MBTPS1: variants seen among roughly 807,000 people sequenced by gnomAD.
MBTPS1 encodes membrane-bound transcription factor site-1 protease.
MBTPS1 carries 94 observed loss-of-function variants against 127.8 expected under a neutral mutation model. The ratio of observed to expected loss-of-function variants is 0.74; its 90% confidence interval spans 0.62 to 0.87. The LOEUF (loss-of-function observed/expected upper bound fraction) is 0.87. Ranked by LOEUF, MBTPS1 falls within the 40% of genes least tolerant of loss-of-function variation. MBTPS1 has a pLI of 0.00. For synonymous variants in MBTPS1, 632 were observed against 509.4 expected (o/e 1.24, Z -3.24); for missense variants, 1,636 against 1,353.2 (o/e 1.21, Z -3.28).
chr16:84,090,999 C>CAAAAA, intron 7 of MBTPS1, 57 bp from the exon 8 acceptor site: 2 of 767,830 alleles, frequency 2.6e-6, no homozygotes, highest in Non-Finnish European at 4.0e-6. Flanking sequence ...ATATAACTGT[C>CAAAAA]AAAAAAAAAA....
chr16:84,068,212 C>A, intron 15 of MBTPS1, 127 bp downstream of exon 15: 1 of 699,748 alleles, frequency 1.4e-6, no homozygotes, highest in Admixed American at 2.3e-5. Context: ...GCTCACCCAG[C>A]TGTGGGGCCC....
At chr16:84,054,698 C>T (rs1469219958) in intron 22 of MBTPS1, 53 bp from the exon 23 acceptor site, 8 of 1,392,850 alleles carry the variant, frequency 5.7e-6, no homozygotes, top group Non-Finnish European at 7.7e-6. Flanking sequence ...GCTACCATGA[C>T]GGCCTTTTTC....
Position 84,070,705 on chromosome 16 carries a change from T to C in MBTPS1, c.1665A>G (p.Leu555=). Residue 555 remains leucine (L), a synonymous_variant, in exon 13 of 23, where the codon TTA becomes TTG. Coordinates refer to ENST00000343411, the MANE Select transcript of MBTPS1 (RefSeq NM_003791.4). ...IEVAFSYSSV[L]WPWSGYLAIS... is the part of the protein sequence containing the mutation. ...TGGCCAGGTAGCCCGACCAAGGCCA[T>C]AAGACCGAGGAGTAGGAGAAGGCAA... The C allele has an allele frequency of 6.2e-7, 1 of 1,614,070 alleles. No homozygotes were observed. The highest frequency in any genetic ancestry group is 8.5e-7 in the Non-Finnish European group (1 of 1,180,002).
intron 12 of MBTPS1, among the ~76,000 whole-genome samples, chr16:84,073,322 C>T (rs192141677): frequency 2.5e-4 from 38 of 152,112 alleles, no homozygotes; most frequent in Admixed American, 3.3e-4. Context: ...TTAGTAGAGA[C>T]GGGGTTTCAC....
intron 10 of MBTPS1, among the ~76,000 whole-genome samples, chr16:84,083,116 C>G (rs753434769): frequency 6.6e-6 from 1 of 152,226 alleles, no homozygotes; most frequent in Non-Finnish European, 1.5e-5. Flanking sequence ...GCAGAGCCCT[C>G]ACTTCCTGCT....
At position 84,070,640 on chromosome 16, in the gene MBTPS1, C is replaced by T. The variant is rs753558085; in HGVS notation, c.1730G>A (p.Gly577Asp). Residue 577 changes from glycine (G) to aspartate (D), a missense_variant, in exon 13 of 23, where the codon GGC becomes GAC. Physicochemically the swap from Gly to Asp is moderately conservative, Grantham distance 94 (BLOSUM62 -1). Transcript: ENST00000343411. Reference sequence around the variant, plus strand: ...GATCATGACATGGCCCTGAGCAATGCCTTCCCAGGAAGCCGCTTTCTTGGT... The same window carrying T: ...GATCATGACATGGCCCTGAGCAATGTCTTCCCAGGAAGCCGCTTTCTTGGT... ...SVTKKAASWEGIAQGHVMITV... is the reference protein window; with the variant it reads ...SVTKKAASWEDIAQGHVMITV... 6.2e-7 allele frequency: 1 copy of T among 1,613,588 alleles called. No homozygotes were observed. Among genetic ancestry groups the T allele is most frequent in the Non-Finnish European group, 8.5e-7 (1 of 1,179,928 alleles).
At position 84,054,395 on chromosome 16, in the gene MBTPS1, C is replaced by T; in HGVS notation, c.*54G>A. The T allele has an allele frequency of 6.7e-7, 1 of 1,486,442 alleles. No homozygotes were observed. Among genetic ancestry groups the T allele is most frequent in the South Asian group, 1.3e-5 (1 of 75,940 alleles). 92.1% of individuals were successfully genotyped at this position (1,486,442 alleles called of 1,614,324 possible). On this transcript the variant is annotated 3_prime_UTR_variant, in exon 23 of 23. Coordinates refer to ENST00000343411, the MANE Select transcript of MBTPS1 (RefSeq NM_003791.4). ...CCGCCACCACAGCTCGGCTCACCCACCAGCGCCGTCCGTGAAGGCTCTCTC... is the reference window on the plus strand; with the variant it reads ...CCGCCACCACAGCTCGGCTCACCCATCAGCGCCGTCCGTGAAGGCTCTCTC...
chr16:84,073,550 T>C (rs1189628798), intron 12 of MBTPS1, among the ~76,000 whole-genome samples: 1 of 152,104 alleles, frequency 6.6e-6, no homozygotes, highest in Non-Finnish European at 1.5e-5. Flanking sequence ...GAAAAGAATA[T>C]TTAAAAAACA....
chr16:84,083,633 G>A (rs1197553174), intron 10 of MBTPS1, among the ~76,000 whole-genome samples: 3 of 151,876 alleles, frequency 2.0e-5, no homozygotes, highest in East Asian at 1.9e-4. Context: ...AATAATATCT[G>A]GCATCAGAAG....
intron 1 of MBTPS1, among the ~76,000 whole-genome samples, chr16:84,102,690 C>T (rs1407714343): frequency 6.6e-6 from 1 of 152,208 alleles, no homozygotes; most frequent in Non-Finnish European, 1.5e-5. Context: ...CCACAAATTT[C>T]ATCAATTTTT....
intron 22 of MBTPS1, among the ~76,000 whole-genome samples, chr16:84,055,743 G>C (rs149969932): frequency 6.6e-6 from 1 of 152,236 alleles, no homozygotes; most frequent in Non-Finnish European, 1.5e-5. Flanking sequence ...TGTTTAAGTA[G>C]ATCACCCAGC....
At chr16:84,059,896 T>C (rs755338456) in intron 20 of MBTPS1, 1 of 153,172 alleles carries the variant, frequency 6.5e-6, no homozygotes, top group Non-Finnish European at 1.5e-5. Flanking sequence ...ACTGAGCAAG[T>C]GAAATAAGGT....
intron 3 of MBTPS1, 71 bp from the exon 4 acceptor site, chr16:84,095,876 T>C: frequency 8.1e-7 from 1 of 1,239,002 alleles, no homozygotes; most frequent in Non-Finnish European, 1.2e-6. Context: ...CAGGCAAAAC[T>C]ATCCTAAACA....
chr16:84,076,292 C>T (rs111398805), intron 11 of MBTPS1, among the ~76,000 whole-genome samples: 2 of 151,624 alleles, frequency 1.3e-5, no homozygotes, highest in African/African-American at 4.9e-5. Context: ...AAAATATATA[C>T]ATATATATAT....
intron 8 of MBTPS1, 131 bp from the exon 9 acceptor site, chr16:84,087,591 G>C (rs529718366): frequency 2.1e-5 from 13 of 629,144 alleles, no homozygotes; most frequent in African/African-American, 1.7e-4. Context: ...TGCTTCTGTG[G>C]GAAGACGTGT....
At chr16:84,114,177 G>A (rs1200260973) in intron 1 of MBTPS1, among the ~76,000 whole-genome samples, 2 of 151,792 alleles carry the variant, frequency 1.3e-5, no homozygotes, top group East Asian at 2.0e-4. Flanking sequence ...TAGCCAGGAT[G>A]GTCTCAATCT....
rs749241475 is a variant in MBTPS1, at chr16:84,054,398, G to A, written c.*51C>T. The A allele has an allele frequency of 1.3e-6, 2 of 1,495,570 alleles. No homozygotes were observed. Among genetic ancestry groups the A allele is most frequent in the South Asian group, 1.3e-5 (1 of 76,550 alleles). The allele number at this position is 1,495,570 out of a possible 1,614,324, so 92.6% of individuals were successfully genotyped here. A position where few individuals can be genotyped will look rare whatever the true frequency, so the allele number is the denominator to read the frequency against. On this transcript the variant is annotated 3_prime_UTR_variant, in exon 23 of 23. Coordinates refer to ENST00000343411, the MANE Select transcript of MBTPS1 (RefSeq NM_003791.4). ...CCACCACAGCTCGGCTCACCCACCA[G>A]CGCCGTCCGTGAAGGCTCTCTCTGG...
intron 16 of MBTPS1, 105 bp downstream of exon 16, chr16:84,067,562 C>T (rs2151145721): frequency 1.1e-6 from 1 of 934,636 alleles, no homozygotes; most frequent in Non-Finnish European, 1.7e-6. Context: ...GTGTCTGTGC[C>T]AACTGGAAAG....
chr16:84,114,768 T>G (rs558958399), intron 1 of MBTPS1, among the ~76,000 whole-genome samples: 2 of 144,370 alleles, frequency 1.4e-5, no homozygotes, highest in East Asian at 4.1e-4. Flanking sequence ...AGGCAGAAGT[T>G]GCAGTGAGCC....
Sources: allele counts gnomAD v4.1 joint callset (sites outside exome capture counted in the v4.1 genomes callset), GRCh38; gene constraint gnomAD v4.1.1; transcripts MANE v1.5; gene names NCBI Gene and HGNC (gene_info 2026-07-23, HGNC 2026-07-21).